ATP7B: variants seen among roughly 807,000 people sequenced by gnomAD.
The protein encoded by ATP7B is ATPase copper transporting beta, also known as copper-transporting ATPase 2.
A neutral mutation model predicts 118.9 loss-of-function variants in ATP7B; 113 were observed. The ratio of observed to expected loss-of-function variants is 0.95; its 90% CI spans 0.82 to 1.11. The LOEUF is 1.11. ATP7B is among the 50% of genes most tolerant of loss of function. The pLI, the probability that ATP7B is intolerant of heterozygous loss-of-function variation, is 0.00. For synonymous variants in ATP7B, 777 were observed against 727.4 expected, an observed-to-expected ratio of 1.07 and a Z score of -1.10; for missense variants, 1,867 against 1,871.4, an observed-to-expected ratio of 1.00 and a Z score of 0.04.
chr13:52,010,865 G>A (rs1953992740), intron 1 of ATP7B, among the ~76,000 whole-genome samples: 1 of 152,218 alleles, frequency 6.6e-6, no homozygotes, highest in Non-Finnish European at 1.5e-5. Flanking sequence ...CTGTCTTAAT[G>A]TATTACTTGT....
chr13:51,932,760 T>C lies in ATP7B; in HGVS notation c.*1996A>G, dbSNP rs1271358228. On this transcript the variant is annotated 3_prime_UTR_variant, in exon 21 of 21. Coordinates refer to ENST00000242839, the MANE Select transcript of ATP7B (RefSeq NM_000053.4). ...ATCTGACAAAAAAACTCCTTACACTTTGACCATCTAAAAGGTTATTTTCTA... is the reference window on the plus strand; with the variant it reads ...ATCTGACAAAAAAACTCCTTACACTCTGACCATCTAAAAGGTTATTTTCTA... 4 of 152,242 alleles carry C rather than the reference T, an allele frequency of 2.6e-5. No homozygotes were observed. The highest frequency in any genetic ancestry group is 2.0e-4 in the Admixed American group (3 of 15,288). The allele number at this position is 152,242 out of a possible 1,614,324, so 9.4% of individuals were successfully genotyped here.
intron 2 of ATP7B, among the ~76,000 whole-genome samples, chr13:51,973,123 C>T (rs570815640): frequency 9.2e-5 from 14 of 152,042 alleles, no homozygotes; most frequent in Non-Finnish European, 1.8e-4. Context: ...AAATCCTTTC[C>T]TTAACTCTCA....
Position 51,967,127 on chromosome 13 carries a change from G to A in ATP7B, c.1707+1317C>T, listed in dbSNP as rs563735346. 475 of 1,591,202 alleles carry A rather than the reference G, an allele frequency of 3.0e-4. 4 individuals carry two copies. The East Asian group carries it at 5.3e-3, about 18-fold the overall frequency. ...GTCATGAACAATGTCACCTGTACTC[G>A]GATCTATGAAAAAGTAGAATAAAAA... On this transcript the variant is annotated intron_variant, in intron 4 of 20. Transcript: ENST00000242839.
chr13:51,969,720 T>G lies in ATP7B; in HGVS notation c.1543+772A>C, dbSNP rs780084343. Among the ~76,000 whole-genome samples, 16 of 152,340 alleles carry G rather than the reference T, an allele frequency of 1.1e-4. 1 individual carries two copies. Among genetic ancestry groups the G allele is most frequent in the Middle Eastern group, 3.4e-3 (1 of 294 alleles). On this transcript the variant is annotated intron_variant, in intron 3 of 20. Coordinates refer to ENST00000242839, the MANE Select transcript of ATP7B (RefSeq NM_000053.4). Reference sequence around the variant, plus strand: ...GCTATAGGAGATTATAGGCTAATTTTATGAGCAGTCAGACCATGGATAACA... The same window carrying G: ...GCTATAGGAGATTATAGGCTAATTTGATGAGCAGTCAGACCATGGATAACA...
chr13:52,006,737 C>G (rs1376012526), intron 1 of ATP7B, among the ~76,000 whole-genome samples: 1 of 152,172 alleles, frequency 6.6e-6, no homozygotes, highest in Middle Eastern at 3.2e-3. Flanking sequence ...CCTCACAGTC[C>G]CCTAAATGCC....
intron 1 of ATP7B, among the ~76,000 whole-genome samples, chr13:51,999,494 A>T (rs1953383640): frequency 6.6e-6 from 1 of 152,244 alleles, no homozygotes; most frequent in Non-Finnish European, 1.5e-5. Flanking sequence ...TCTTGAGTGA[A>T]AAACGATTAT....
intron 9 of ATP7B, among the ~76,000 whole-genome samples, chr13:51,956,991 G>C (rs559262433): frequency 2.6e-5 from 4 of 152,222 alleles, no homozygotes; most frequent in African/African-American, 9.6e-5. Context: ...CCCTGCCTCA[G>C]AAAGTTTCCA....
intron 1 of ATP7B, among the ~76,000 whole-genome samples, chr13:51,979,773 C>A (rs1331831956): frequency 2.0e-5 from 3 of 152,112 alleles, no homozygotes; most frequent in Non-Finnish European, 1.5e-5. Context: ...TTACAAACCC[C>A]AAACCATAAC....
At chr13:52,009,228 G>A (rs1007182211) in intron 1 of ATP7B, among the ~76,000 whole-genome samples, 3 of 152,188 alleles carry the variant, frequency 2.0e-5, no homozygotes, top group Non-Finnish European at 4.4e-5. Flanking sequence ...GCCGTTCAGA[G>A]GGCCTACAGA....
intron 16 of ATP7B, 96 bp downstream of exon 16, chr13:51,940,985 G>T (rs1341865155): frequency 4.5e-6 from 7 of 1,555,664 alleles, no homozygotes; most frequent in Non-Finnish European, 6.2e-6. Context: ...GCTTTTGTTT[G>T]TCTTCTTTTC....
At chr13:52,009,899 G>C (rs1422443205) in intron 1 of ATP7B, among the ~76,000 whole-genome samples, 3 of 152,110 alleles carry the variant, frequency 2.0e-5, no homozygotes, top group Non-Finnish European at 4.4e-5. Flanking sequence ...GTTTTTGTGA[G>C]GATTAAACGC....
At chr13:51,987,237 C>A (rs150661149) in intron 1 of ATP7B, among the ~76,000 whole-genome samples, 1,861 of 152,290 alleles carry the variant, frequency 0.012, 39 homozygotes, top group African/African-American at 0.043. Flanking sequence ...GATACAAAAT[C>A]AATGTGCAAA....
At chr13:51,941,333 T>A in intron 15 of ATP7B, 109 bp from the exon 16 acceptor site, 1 of 1,375,700 alleles carries the variant, frequency 7.3e-7, no homozygotes. Context: ...TCTGAAAAAC[T>A]GTAACCTTGT....
At chr13:52,012,019 C>T (rs565618278), upstream of ATP7B, 43 of 369,388 alleles carry the variant, frequency 1.2e-4, no homozygotes, top group South Asian at 1.1e-3. Context: ...GAACTCCGCA[C>T]CTGGAAAATC....
chr13:52,005,360 A>T (rs1953716330), intron 1 of ATP7B, among the ~76,000 whole-genome samples: 1 of 152,166 alleles, frequency 6.6e-6, no homozygotes, highest in Non-Finnish European at 1.5e-5. Flanking sequence ...TATTTCTTCC[A>T]CCAAATATCC....
At chr13:51,956,607 G>C (rs919656915) in intron 9 of ATP7B, among the ~76,000 whole-genome samples, 1 of 152,162 alleles carries the variant, frequency 6.6e-6, no homozygotes, top group Admixed American at 6.5e-5. Flanking sequence ...TAGGCTGAGG[G>C]ACAGGGAACT....
Position 51,950,441 on chromosome 13 carries a change from G to A in ATP7B, c.2448-42C>T, listed in dbSNP as rs542114300. ...TTATCACTCACATGGCCACTCATTCGGTCACCGGGTCAGGTTCTAGGCCAG... is the reference window on the plus strand; with the variant it reads ...TTATCACTCACATGGCCACTCATTCAGTCACCGGGTCAGGTTCTAGGCCAG... On this transcript the variant is annotated intron_variant, in intron 9 of 20. Transcript: ENST00000242839. 2.5e-5 allele frequency: 41 copies of A among 1,611,780 alleles called. No homozygotes were observed. The Admixed American group carries it at 3.3e-4, about 13-fold the overall frequency.
chr13:52,004,842 G>A (rs1361825356), intron 1 of ATP7B, among the ~76,000 whole-genome samples: 1 of 152,074 alleles, frequency 6.6e-6, no homozygotes, highest in African/African-American at 2.4e-5. Context: ...CTGGGCCCCG[G>A]GTTCTCCAAG....
intron 1 of ATP7B, among the ~76,000 whole-genome samples, chr13:51,987,645 C>G (rs1272778340): frequency 6.6e-6 from 1 of 152,160 alleles, no homozygotes; most frequent in Non-Finnish European, 1.5e-5. Context: ...AGGCATCACA[C>G]TACCTAACTT....
Sources: allele counts gnomAD v4.1 joint callset (sites outside exome capture counted in the v4.1 genomes callset), GRCh38; gene constraint gnomAD v4.1.1; transcripts MANE v1.5; gene names NCBI Gene and HGNC (gene_info 2026-07-23, HGNC 2026-07-21).